The following NTM variants were observed in gnomAD, a reference collection of about 807,000 sequenced individuals.
NTM encodes the protein neurotrimin, also known as IgLON family member 2.
NTM carries 13 observed loss-of-function variants against 42.1 expected under a neutral mutation model. That is an observed-to-expected ratio of 0.31 (90% confidence interval 0.20 to 0.49). The LOEUF is 0.49. NTM is among the 20% of genes least tolerant of loss of function. NTM has a pLI of 0.99. For synonymous variants in NTM, 187 were observed against 179.2 expected, an observed-to-expected ratio of 1.04 and a Z score of -0.35; for missense variants, 373 against 452.8, an observed-to-expected ratio of 0.82 and a Z score of 1.60.
chr11:131,600,409 G>A (rs1170240973), intron 1 of NTM, among the ~76,000 whole-genome samples: 1 of 152,138 alleles, frequency 6.6e-6, no homozygotes, highest in East Asian at 1.9e-4. Context: ...CTGTCTATAG[G>A]AAAATGTATT....
intron 4 of NTM, among the ~76,000 whole-genome samples, chr11:132,236,059 G>GAGCCAAAC (rs771858407): frequency 1.5e-4 from 23 of 152,072 alleles, no homozygotes; most frequent in Admixed American, 2.6e-4. Flanking sequence ...ATGATAGTTT[G>GAGCCAAAC]AGCCAAATGG....
At chr11:131,847,438 C>T (rs565890697) in intron 1 of NTM, among the ~76,000 whole-genome samples, 2 of 152,116 alleles carry the variant, frequency 1.3e-5, no homozygotes, top group South Asian at 2.1e-4. Flanking sequence ...CAGAAATAGA[C>T]CATTGTACAT....
At chr11:131,393,064 G>T (rs1232484079) in intron 1 of NTM, among the ~76,000 whole-genome samples, 1 of 152,166 alleles carries the variant, frequency 6.6e-6, no homozygotes, top group Admixed American at 6.5e-5. Context: ...CCTGCCGTCA[G>T]GGATTAATAA....
chr11:131,900,188 G>T (rs1038909580), intron 1 of NTM, among the ~76,000 whole-genome samples: 7 of 152,212 alleles, frequency 4.6e-5, no homozygotes, highest in Non-Finnish European at 7.3e-5. Flanking sequence ...CATGGGGACT[G>T]CATCCTAGGC....
At chr11:131,676,617 G>T (rs111513955) in intron 1 of NTM, among the ~76,000 whole-genome samples, 4,865 of 152,298 alleles carry the variant, frequency 0.032, 262 homozygotes, top group African/African-American at 0.11. Flanking sequence ...ATAATTAAAT[G>T]TTTTAACATG....
intron 1 of NTM, among the ~76,000 whole-genome samples, chr11:131,403,030 A>G (rs76996502): frequency 0.015 from 2,210 of 152,344 alleles, 43 homozygotes; most frequent in African/African-American, 0.051. Context: ...TAATTGCAGT[A>G]GAAAAAGCTT....
chr11:132,125,619 TTGG>T (rs775983505), intron 2 of NTM, among the ~76,000 whole-genome samples: 13 of 16,058 alleles, frequency 8.1e-4, no homozygotes, highest in African/African-American at 1.9e-3. Flanking sequence ...TGTGTGGTGT[TTGG>T]TGGTGTATGT....
chr11:132,235,997 C>CAG (rs2088782248), intron 4 of NTM, among the ~76,000 whole-genome samples: 4 of 132,310 alleles, frequency 3.0e-5, no homozygotes, highest in Non-Finnish European at 6.5e-5. Flanking sequence ...CACACAGACA[C>CAG]ACACACACAC....
intron 3 of NTM, among the ~76,000 whole-genome samples, chr11:132,174,051 T>C (rs6590628): frequency 0.59 from 89,869 of 152,004 alleles, 27,124 homozygotes; most frequent in Non-Finnish European, 0.64. Flanking sequence ...TGGTCCCTGA[T>C]AGGCTGCCTT....
At chr11:132,048,335 G>T (rs1342102912) in intron 2 of NTM, among the ~76,000 whole-genome samples, 1 of 152,188 alleles carries the variant, frequency 6.6e-6, no homozygotes, top group Non-Finnish European at 1.5e-5. Context: ...ATATTTTGTA[G>T]TTTGTAAAGA....
chr11:131,748,122 T>C (rs1182288330), intron 1 of NTM, among the ~76,000 whole-genome samples: 1 of 152,242 alleles, frequency 6.6e-6, no homozygotes, highest in Admixed American at 6.5e-5. Context: ...GGTATTAGAA[T>C]TGTACATGCT....
intron 1 of NTM, among the ~76,000 whole-genome samples, chr11:131,507,985 C>T (rs930006316): frequency 6.6e-6 from 1 of 152,098 alleles, no homozygotes; most frequent in Non-Finnish European, 1.5e-5. Context: ...GCAAGGACTT[C>T]ATGTCTAAAA....
intron 1 of NTM, among the ~76,000 whole-genome samples, chr11:131,845,765 A>C (rs1048824286): frequency 6.6e-6 from 1 of 152,064 alleles, no homozygotes. Context: ...TTTTAAAAAA[A>C]TAAAAGAAAA....
At position 131,950,175 on chromosome 11, in the gene NTM, C is replaced by G. The variant is rs1593119841; in HGVS notation, c.167+38527C>G. On this transcript the variant is annotated intron_variant, in intron 2 of 8. Transcript: ENST00000683400. ...TTCAGTGCCACTTGCCTGGGTTGCC[C>G]TAGAGGCCTCCTGTTTTTCATTTTT... Among the ~76,000 whole-genome samples the G allele has an allele frequency of 2.0e-5, 3 of 152,218 alleles. No homozygotes were observed. The South Asian group carries it at 6.2e-4, about 32-fold the overall frequency.
intron 1 of NTM, among the ~76,000 whole-genome samples, chr11:131,470,134 C>T (rs752925827): frequency 6.6e-5 from 10 of 152,216 alleles, no homozygotes; most frequent in African/African-American, 1.9e-4. Flanking sequence ...ATGACCCTCA[C>T]GTTATCTGCC....
intron 1 of NTM, among the ~76,000 whole-genome samples, chr11:131,455,255 A>G (rs1028594437): frequency 1.3e-5 from 2 of 152,322 alleles, no homozygotes; most frequent in East Asian, 3.9e-4. Context: ...GCTTGGCCAC[A>G]GGTTTAGATG....
intron 4 of NTM, among the ~76,000 whole-genome samples, chr11:132,253,455 C>T (rs534969037): frequency 1.3e-5 from 2 of 151,996 alleles, no homozygotes; most frequent in East Asian, 3.9e-4. Context: ...GGGCAGATTT[C>T]AAAAAACAGA....
intron 2 of NTM, among the ~76,000 whole-genome samples, chr11:132,132,132 C>T (rs10894510): frequency 3.3e-5 from 5 of 152,088 alleles, no homozygotes; most frequent in Non-Finnish European, 5.9e-5. Context: ...CTCTGCCTGA[C>T]GTTTTATACC....
chr11:131,594,980 C>A (rs1438121888), intron 1 of NTM, among the ~76,000 whole-genome samples: 1 of 152,214 alleles, frequency 6.6e-6, no homozygotes, highest in Non-Finnish European at 1.5e-5. Context: ...TAAAACTGGT[C>A]TAAAGATCCA....
Sources: gnomAD v4.1 joint callset for allele counts (sites outside exome capture counted in the v4.1 genomes callset) on GRCh38, gnomAD v4.1.1 for gene constraint, MANE v1.5 for transcripts, NCBI Gene and HGNC (gene_info 2026-07-23, HGNC 2026-07-21) for gene names.